RANBP2: variants seen among roughly 807,000 people sequenced by gnomAD.
RANBP2 encodes E3 SUMO-protein ligase RanBP2.
RANBP2 carries 57 observed loss-of-function variants against 303.6 expected under a neutral mutation model. The observed-to-expected ratio is 0.19, with a 90% CI of 0.15 to 0.23. The LOEUF (loss-of-function observed/expected upper bound fraction) is 0.23, where lower values mean the gene tolerates loss of function less well. RANBP2 is among the 10% of genes least tolerant of loss of function. The pLI is 1.00. For missense variants in RANBP2, 3,138 were observed against 3,780.8 expected (o/e 0.83, Z 4.46); for synonymous variants, 1,167 against 1,301.5 (o/e 0.90, Z 2.23).
chr2:109,522,717 C>T, the RANBP2 span, among the ~76,000 whole-genome samples: 174 of 152,254 alleles, frequency 1.1e-3, no homozygotes, highest in African/African-American at 4.2e-3. Flanking sequence ...CAGGATCAGG[C>T]CCTGGCATCA....
At chr2:109,154,724 G>C in the RANBP2 span, among the ~76,000 whole-genome samples, 1,662 of 152,308 alleles carry the variant, frequency 0.011, 36 homozygotes, top group African/African-American at 0.038. Context: ...AAGGTCTGTG[G>C]GGGGTGATGG....
the RANBP2 span, among the ~76,000 whole-genome samples, chr2:108,945,904 T>G: frequency 6.6e-6 from 1 of 152,180 alleles, no homozygotes; most frequent in Non-Finnish European, 1.5e-5. Context: ...CAGGGGCACA[T>G]GTTACTTTGT....
At chr2:109,689,477 A>G in the RANBP2 span, among the ~76,000 whole-genome samples, 3 of 152,188 alleles carry the variant, frequency 2.0e-5, no homozygotes, top group Admixed American at 2.0e-4. Context: ...TAAACTGGGC[A>G]GCTTTATCCT....
chr2:109,540,488 CTT>C, the RANBP2 span, among the ~76,000 whole-genome samples: 1 of 152,022 alleles, frequency 6.6e-6, no homozygotes, highest in Non-Finnish European at 1.5e-5. Flanking sequence ...ACAGGTCTCT[CTT>C]CATCTCTAGC....
the RANBP2 span, among the ~76,000 whole-genome samples, chr2:109,164,306 C>T: frequency 6.6e-6 from 1 of 152,246 alleles, no homozygotes; most frequent in African/African-American, 2.4e-5. Context: ...CCTCAGCCTC[C>T]CTGAGTAGCT....
At chr2:109,041,272 T>G in the RANBP2 span, among the ~76,000 whole-genome samples, 1 of 152,160 alleles carries the variant, frequency 6.6e-6, no homozygotes, top group Admixed American at 6.5e-5. Flanking sequence ...ATAATGGTAG[T>G]TTCTTCCCCC....
chr2:109,302,538 T>C, the RANBP2 span, among the ~76,000 whole-genome samples: 4 of 152,212 alleles, frequency 2.6e-5, no homozygotes, highest in Non-Finnish European at 4.4e-5. Context: ...CTCTAGGAGC[T>C]TGGGGACCAG....
chr2:108,904,287 TA>T, the RANBP2 span, among the ~76,000 whole-genome samples: 1 of 152,080 alleles, frequency 6.6e-6, no homozygotes, highest in Non-Finnish European at 1.5e-5. Flanking sequence ...TCAGAATAGC[TA>T]AAACAAAACA....
At chr2:109,363,572 G>A in the RANBP2 span, among the ~76,000 whole-genome samples, 1 of 152,122 alleles carries the variant, frequency 6.6e-6, no homozygotes, top group African/African-American at 2.4e-5. Flanking sequence ...CTTTCTTTCT[G>A]TAGATCTGAA....
At chr2:109,219,916 TA>T in the RANBP2 span, among the ~76,000 whole-genome samples, 1 of 152,074 alleles carries the variant, frequency 6.6e-6, no homozygotes, top group East Asian at 1.9e-4. Context: ...AGAGAAATAG[TA>T]AAAAAGCACT....
the RANBP2 span, among the ~76,000 whole-genome samples, chr2:108,887,657 T>C: frequency 6.6e-6 from 1 of 152,192 alleles, no homozygotes; most frequent in African/African-American, 2.4e-5. Flanking sequence ...GGAATTGCCT[T>C]CTTGATTTCT....
the RANBP2 span, among the ~76,000 whole-genome samples, chr2:108,888,331 T>A: frequency 6.6e-6 from 1 of 152,276 alleles, no homozygotes; most frequent in East Asian, 1.9e-4. Flanking sequence ...GTAGTTTTCT[T>A]TTCTTGTTAT....
the RANBP2 span, among the ~76,000 whole-genome samples, chr2:109,134,781 C>T: frequency 6.6e-6 from 1 of 152,222 alleles, no homozygotes; most frequent in Non-Finnish European, 1.5e-5. Flanking sequence ...GCCACCCCTT[C>T]CATTCACCGT....
At chr2:109,449,463 A>G in the RANBP2 span, 1 of 1,614,010 alleles carries the variant, frequency 6.2e-7, no homozygotes, top group Non-Finnish European at 8.5e-7. Context: ...CACGGGATGC[A>G]AACTAGACGA....
the RANBP2 span, among the ~76,000 whole-genome samples, chr2:109,470,029 T>G: frequency 1.3e-5 from 2 of 152,162 alleles, no homozygotes; most frequent in African/African-American, 4.8e-5. Flanking sequence ...ATTTCACTCT[T>G]CGTGCGTCCT....
chr2:109,192,329 G>C, the RANBP2 span, among the ~76,000 whole-genome samples: 1 of 152,180 alleles, frequency 6.6e-6, no homozygotes, highest in Non-Finnish European at 1.5e-5. Context: ...ACAAAAAGCA[G>C]AAAATGAGTT....
At chr2:108,726,969 A>G (rs1277983160) in intron 1 of RANBP2, among the ~76,000 whole-genome samples, 2 of 152,202 alleles carry the variant, frequency 1.3e-5, no homozygotes, top group African/African-American at 4.8e-5. Flanking sequence ...CAGATCAACA[A>G]GATCCCAAGG....
chr2:109,134,110 G>A, the RANBP2 span, among the ~76,000 whole-genome samples: 2 of 152,162 alleles, frequency 1.3e-5, no homozygotes, highest in Non-Finnish European at 2.9e-5. Context: ...CTGCATGCTG[G>A]GCACTTTGAC....
At chr2:109,221,924 T>G in the RANBP2 span, among the ~76,000 whole-genome samples, 1 of 151,822 alleles carries the variant, frequency 6.6e-6, no homozygotes, top group African/African-American at 2.4e-5. Context: ...ATTGCAGCAC[T>G]AGTCACAATA....
Sources: allele counts gnomAD v4.1 joint callset (sites outside exome capture counted in the v4.1 genomes callset), GRCh38; gene constraint gnomAD v4.1.1; transcripts MANE v1.5; gene names NCBI Gene and HGNC (gene_info 2026-07-23, HGNC 2026-07-21).